FAM171A1: variants seen among roughly 807,000 people sequenced by gnomAD.
FAM171A1 encodes protein FAM171A1.
FAM171A1 carries 23 observed loss-of-function variants against 74.9 expected under a neutral mutation model. The ratio of observed to expected loss-of-function variants is 0.31; its 90% CI spans 0.22 to 0.44. The LOEUF (loss-of-function observed/expected upper bound fraction) is 0.44. Ranked by LOEUF, FAM171A1 falls within the 20% of genes least tolerant of loss-of-function variation. FAM171A1 has a pLI of 1.00. For missense variants in FAM171A1, 1,162 were observed against 1,159.2 expected, an observed-to-expected ratio of 1.00 and a Z score of -0.03; for synonymous variants, 527 against 505.7, an observed-to-expected ratio of 1.04 and a Z score of -0.57.
chr10:15,297,234 T>A (rs1835172740), intron 1 of FAM171A1, among the ~76,000 whole-genome samples: 1 of 152,148 alleles, frequency 6.6e-6, no homozygotes, highest in African/African-American at 2.4e-5. Context: ...AATTTTGGTA[T>A]TTTTAGTAGA....
At chr10:15,351,055 G>A (rs1382146907) in intron 1 of FAM171A1, among the ~76,000 whole-genome samples, 1 of 152,022 alleles carries the variant, frequency 6.6e-6, no homozygotes, top group Non-Finnish European at 1.5e-5. Context: ...TCCCTAACAT[G>A]CTTTTCTCAC....
At chr10:15,277,709 C>T (rs2131801785) in intron 2 of FAM171A1, among the ~76,000 whole-genome samples, 1 of 152,278 alleles carries the variant, frequency 6.6e-6, no homozygotes, top group Middle Eastern at 3.4e-3. Flanking sequence ...TCTGGGAAAA[C>T]ATCAGGATCT....
intron 1 of FAM171A1, among the ~76,000 whole-genome samples, chr10:15,361,893 G>A (rs1835999589): frequency 6.6e-6 from 1 of 152,154 alleles, no homozygotes; most frequent in Non-Finnish European, 1.5e-5. Context: ...GGAACTACCT[G>A]GGCCTTTTCT....
upstream of FAM171A1, among the ~76,000 whole-genome samples, chr10:15,373,343 A>G (rs2131901550): frequency 2.6e-5 from 4 of 152,284 alleles, no homozygotes; most frequent in East Asian, 7.7e-4. Context: ...AACTGGAGCT[A>G]TTTCCTCATA....
chr10:15,252,747 G>T (rs895880529), intron 4 of FAM171A1, among the ~76,000 whole-genome samples: 4 of 152,170 alleles, frequency 2.6e-5, no homozygotes, highest in African/African-American at 9.7e-5. Flanking sequence ...ACATTGCAAA[G>T]ACCTCTCTTC....
chr10:15,249,708 T>C (rs182012535), intron 4 of FAM171A1, among the ~76,000 whole-genome samples: 2 of 152,338 alleles, frequency 1.3e-5, no homozygotes, highest in African/African-American at 2.4e-5. Context: ...TTAATTGCCA[T>C]TGTTATTTTG....
chr10:15,357,839 A>T (rs1835951649), intron 1 of FAM171A1, among the ~76,000 whole-genome samples: 2 of 152,170 alleles, frequency 1.3e-5, no homozygotes, highest in Non-Finnish European at 2.9e-5. Flanking sequence ...TCACTGCAAA[A>T]TTTTTTCCGT....
intron 1 of FAM171A1, among the ~76,000 whole-genome samples, chr10:15,309,902 T>C (rs893538913): frequency 1.3e-5 from 2 of 152,244 alleles, no homozygotes; most frequent in Admixed American, 1.3e-4. Context: ...ACTGGGTAAA[T>C]GTTCAGTTAG....
intron 3 of FAM171A1, among the ~76,000 whole-genome samples, chr10:15,263,741 GTCTA>G (rs55705228): frequency 0.082 from 11,468 of 140,468 alleles, 536 homozygotes; most frequent in African/African-American, 0.13. Context: ...CTATCTGTCT[GTCTA>G]TCTATCTATC....
At chr10:15,364,917 C>T (rs1197021659) in intron 1 of FAM171A1, among the ~76,000 whole-genome samples, 1 of 152,124 alleles carries the variant, frequency 6.6e-6, no homozygotes, top group Admixed American at 6.5e-5. Context: ...TTACAATGGG[C>T]CCAGCTGGAT....
rs1015228459 is a variant in FAM171A1, at chr10:15,214,361, G to T, written c.1227C>A (p.Asp409Glu). 5 of 1,612,924 alleles carry T rather than the reference G, an allele frequency of 3.1e-6. No homozygotes were observed. Residue 409 changes from aspartate (D) to glutamate (E), a missense_variant, in exon 8 of 8, where the codon GAC becomes GAA. Physicochemically the swap from Asp to Glu is conservative, Grantham distance 45. Coordinates refer to ENST00000378116, the MANE Select transcript of FAM171A1 (RefSeq NM_001010924.2). ...LEMMSPGGEG[D>E]LHTPMLKLSY... ...AGAGCTTGAGCATGGGGGTGTGCAG[G>T]TCCCCTTCGCCGCCCGGAGACATCA... is the stretch of plus-strand genomic sequence containing the variant.
intron 1 of FAM171A1, among the ~76,000 whole-genome samples, chr10:15,287,204 G>T (rs1835046878): frequency 6.7e-6 from 1 of 148,396 alleles, no homozygotes; most frequent in South Asian, 2.1e-4. Flanking sequence ...CCATTCTCCT[G>T]CCTCAGCCTC....
At position 15,303,251 on chromosome 10, in the gene FAM171A1, T is replaced by C. The variant is rs75653579; in HGVS notation, c.98-19146A>G. ...ATTTATGAAATATTTTTATAATTTA[T>C]AGTTTTTATAATTATTTTTAAAATT... On this transcript the variant is annotated intron_variant, in intron 1 of 7. Transcript: ENST00000378116. Among the ~76,000 whole-genome samples, 177 of 152,210 alleles carry C rather than the reference T, an allele frequency of 1.2e-3. 4 individuals are homozygous for C. In the East Asian group the frequency reaches 0.032, roughly 27 times the overall value.
chr10:15,283,663 C>T (rs1009549036), intron 2 of FAM171A1, among the ~76,000 whole-genome samples: 1 of 152,164 alleles, frequency 6.6e-6, no homozygotes, highest in South Asian at 2.1e-4. Context: ...TGGCTCACTG[C>T]AGTCTCGAAC....
At chr10:15,340,063 C>A (rs1412751499) in intron 1 of FAM171A1, among the ~76,000 whole-genome samples, 14 of 152,188 alleles carry the variant, frequency 9.2e-5, no homozygotes, top group Admixed American at 9.2e-4. Flanking sequence ...ATGGAAGCTA[C>A]AATTCAAGAT....
chr10:15,361,460 A>G (rs898337692), intron 1 of FAM171A1, among the ~76,000 whole-genome samples: 2 of 152,134 alleles, frequency 1.3e-5, no homozygotes, highest in Non-Finnish European at 2.9e-5. Context: ...AGGTGGGTGG[A>G]TCACCTGAGG....
chr10:15,261,518 A>T (rs1385383406), intron 3 of FAM171A1, among the ~76,000 whole-genome samples: 1 of 152,234 alleles, frequency 6.6e-6, no homozygotes, highest in Admixed American at 6.5e-5. Context: ...AAGGGTCGAG[A>T]AGGCAGTCAT....
chr10:15,364,295 C>T (rs1265566409), intron 1 of FAM171A1, among the ~76,000 whole-genome samples: 3 of 152,010 alleles, frequency 2.0e-5, no homozygotes, highest in Non-Finnish European at 4.4e-5. Context: ...TCAATGGACC[C>T]GAACATAAGA....
At chr10:15,282,262 G>A (rs962996965) in intron 2 of FAM171A1, among the ~76,000 whole-genome samples, 1 of 152,090 alleles carries the variant, frequency 6.6e-6, no homozygotes, top group African/African-American at 2.4e-5. Flanking sequence ...GTGTAGTGCT[G>A]TCTAATGTTC....
Sources: allele counts gnomAD v4.1 joint callset (sites outside exome capture counted in the v4.1 genomes callset), GRCh38; gene constraint gnomAD v4.1.1; transcripts MANE v1.5; gene names NCBI Gene and HGNC (gene_info 2026-07-23, HGNC 2026-07-21).